Variants in SUGCT observed in about 807,000 individuals in gnomAD.
SUGCT encodes succinyl-CoA:glutarate-CoA transferase.
SUGCT carries 41 observed loss-of-function variants against 55.0 expected under a neutral mutation model. The ratio of observed to expected loss-of-function variants is 0.74; its 90% confidence interval spans 0.58 to 0.97. SUGCT has a LOEUF of 0.97. Ranked by LOEUF, SUGCT falls within the 50% of genes least tolerant of loss-of-function variation. SUGCT has a pLI of 0.00. For synonymous variants in SUGCT, 187 were observed against 200.4 expected (o/e 0.93, Z 0.56); for missense variants, 568 against 547.8 (o/e 1.04, Z -0.37).
At chr7:40,681,615 GT>G (rs914558210) in intron 12 of SUGCT, among the ~76,000 whole-genome samples, 2 of 152,166 alleles carry the variant, frequency 1.3e-5, no homozygotes, top group Admixed American at 1.3e-4. Flanking sequence ...GCAGGTAAGG[GT>G]TTTTAAAGGC....
intron 12 of SUGCT, among the ~76,000 whole-genome samples, chr7:40,663,002 C>T (rs1371498967): frequency 6.6e-6 from 1 of 152,096 alleles, no homozygotes; most frequent in African/African-American, 2.4e-5. Flanking sequence ...ACTGAGAATT[C>T]AATGTGACAG....
intron 11 of SUGCT, among the ~76,000 whole-genome samples, chr7:40,482,622 G>T (rs1410223237): frequency 6.6e-6 from 1 of 152,188 alleles, no homozygotes; most frequent in Non-Finnish European, 1.5e-5. Flanking sequence ...CGTCGGTAAT[G>T]TGGGTAACTT....
At chr7:40,566,377 A>G (rs1796155225) in intron 12 of SUGCT, among the ~76,000 whole-genome samples, 1 of 152,180 alleles carries the variant, frequency 6.6e-6, no homozygotes, top group Non-Finnish European at 1.5e-5. Flanking sequence ...TGTGTTCCTG[A>G]CATATTTCAG....
chr7:40,283,134 A>C (rs1424389270), intron 8 of SUGCT, among the ~76,000 whole-genome samples: 2 of 152,214 alleles, frequency 1.3e-5, no homozygotes, highest in Admixed American at 6.5e-5. Context: ...CAAAGCATAT[A>C]TCTGATAAGG....
At chr7:40,512,876 A>G (rs1793010708) in intron 12 of SUGCT, among the ~76,000 whole-genome samples, 1 of 152,140 alleles carries the variant, frequency 6.6e-6, no homozygotes. Flanking sequence ...GAATGCCTGT[A>G]TGCCATGTTG....
At chr7:40,206,285 G>C (rs771424050) in intron 6 of SUGCT, among the ~76,000 whole-genome samples, 2 of 152,168 alleles carry the variant, frequency 1.3e-5, no homozygotes, top group East Asian at 3.8e-4. Flanking sequence ...ATACATGTCA[G>C]ATAGTGTTTA....
chr7:40,466,060 A>C (rs866501121), intron 11 of SUGCT, among the ~76,000 whole-genome samples: 1 of 151,806 alleles, frequency 6.6e-6, no homozygotes, highest in African/African-American at 2.4e-5. Flanking sequence ...TTAAAATATA[A>C]TTTTTTTTAA....
intron 9 of SUGCT, among the ~76,000 whole-genome samples, chr7:40,372,043 T>TA (rs2151256155): frequency 6.6e-6 from 1 of 152,058 alleles, no homozygotes; most frequent in South Asian, 2.1e-4. Context: ...ATGAAACACA[T>TA]ACTGCAAATG....
chr7:40,540,198 T>C (rs1794597543), intron 12 of SUGCT, among the ~76,000 whole-genome samples: 1 of 152,232 alleles, frequency 6.6e-6, no homozygotes, highest in African/African-American at 2.4e-5. Flanking sequence ...AGCATCCTTT[T>C]ATTTATTGCT....
intron 12 of SUGCT, among the ~76,000 whole-genome samples, chr7:40,728,944 A>G (rs1391570464): frequency 3.9e-5 from 6 of 152,228 alleles, no homozygotes; most frequent in African/African-American, 1.4e-4. Context: ...TCATATAATC[A>G]TCTCAATATC....
chr7:40,334,296 TC>T (rs1796546686), intron 9 of SUGCT, among the ~76,000 whole-genome samples: 1 of 152,210 alleles, frequency 6.6e-6, no homozygotes, highest in Admixed American at 6.5e-5. Context: ...AAATGGTATT[TC>T]TAGTTCTAGA....
chr7:40,658,559 G>A (rs1801140541), intron 12 of SUGCT, among the ~76,000 whole-genome samples: 1 of 152,052 alleles, frequency 6.6e-6, no homozygotes, highest in Admixed American at 6.6e-5. Flanking sequence ...ACTCTCTTGT[G>A]TTACTCTGGT....
Position 40,259,199 on chromosome 7 carries a change from A to G in SUGCT, c.577-15314A>G, listed in dbSNP as rs189291047. Among the ~76,000 whole-genome samples, 265 of 152,270 alleles carry G rather than the reference A, an allele frequency of 1.7e-3. 1 individual carries two copies. Among genetic ancestry groups the G allele is most frequent in the South Asian group, 4.6e-3 (22 of 4,820 alleles). On this transcript the variant is annotated intron_variant, in intron 7 of 13. Transcript: ENST00000335693. ...TAGGGAGATGTTGGTCAAAGGATATAAAAATTTAGCTAGAAGGAATAAGTT... is the reference window on the plus strand; with the variant it reads ...TAGGGAGATGTTGGTCAAAGGATATGAAAATTTAGCTAGAAGGAATAAGTT...
At chr7:40,247,157 T>A (rs1394551567) in intron 7 of SUGCT, among the ~76,000 whole-genome samples, 1 of 152,196 alleles carries the variant, frequency 6.6e-6, no homozygotes, top group African/African-American at 2.4e-5. Flanking sequence ...TAGATGTATA[T>A]TTAGCTTTAG....
chr7:40,647,253 G>A (rs1458017234), intron 12 of SUGCT, among the ~76,000 whole-genome samples: 1 of 152,204 alleles, frequency 6.6e-6, no homozygotes, highest in African/African-American at 2.4e-5. Flanking sequence ...TGTGTATTTG[G>A]TAGGGGAGAG....
chr7:40,669,626 C>A (rs1341781437), intron 12 of SUGCT, among the ~76,000 whole-genome samples: 4 of 149,390 alleles, frequency 2.7e-5, no homozygotes, highest in Non-Finnish European at 1.5e-5. Flanking sequence ...AATACAATAA[C>A]CAAAAAAAAA....
At chr7:40,995,304 C>A in the SUGCT span, among the ~76,000 whole-genome samples, 2 of 151,970 alleles carry the variant, frequency 1.3e-5, no homozygotes, top group African/African-American at 4.8e-5. Flanking sequence ...CAAATTAGCA[C>A]CCACTCCCTA....
At position 40,706,575 on chromosome 7, in the gene SUGCT, A is replaced by G. The variant is rs182462625; in HGVS notation, c.1090-42859A>G. On this transcript the variant is annotated intron_variant, in intron 12 of 13. Transcript: ENST00000335693. ...TGGGAAATGTGGTCATTGTGAGGTTAGAGCATGGACTTGATTATAATAAGT... is the reference window on the plus strand; with the variant it reads ...TGGGAAATGTGGTCATTGTGAGGTTGGAGCATGGACTTGATTATAATAAGT... 1.4e-3 allele frequency among the ~76,000 whole-genome samples: 207 copies of G among 152,316 alleles called. 1 individual carries two copies. Among genetic ancestry groups the G allele is most frequent in the African/African-American group, 4.8e-3 (200 of 41,576 alleles).
intron 12 of SUGCT, among the ~76,000 whole-genome samples, chr7:40,664,762 C>A (rs1214187005): frequency 6.6e-6 from 1 of 151,550 alleles, no homozygotes; most frequent in African/African-American, 2.4e-5. Flanking sequence ...GGGCAGATCA[C>A]GAGGTCAGGA....
Sources: allele counts gnomAD v4.1 joint callset (sites outside exome capture counted in the v4.1 genomes callset), GRCh38; gene constraint gnomAD v4.1.1; transcripts MANE v1.5; gene names NCBI Gene and HGNC (gene_info 2026-07-23, HGNC 2026-07-21).